SHISA9: variants seen among roughly 807,000 people sequenced by gnomAD.
SHISA9 encodes the protein shisa family member 9.
A neutral mutation model predicts 38.0 loss-of-function variants in SHISA9; 13 were observed. The observed-to-expected ratio is 0.34, with a 90% CI of 0.22 to 0.54. SHISA9 has a LOEUF of 0.54. Ranked by LOEUF, SHISA9 falls within the 20% of genes least tolerant of loss-of-function variation. The pLI is 0.91. For missense variants in SHISA9, 538 were observed against 575.8 expected, an observed-to-expected ratio of 0.93 and a Z score of 0.67; for synonymous variants, 275 against 242.0, an observed-to-expected ratio of 1.14 and a Z score of -1.27.
intron 2 of SHISA9, among the ~76,000 whole-genome samples, chr16:12,956,106 A>T (rs922637251): frequency 6.6e-6 from 1 of 152,208 alleles, no homozygotes; most frequent in Non-Finnish European, 1.5e-5. Flanking sequence ...CGTGACAGAC[A>T]TTTCTCAAAA....
At chr16:13,163,202 T>C (rs1402678504) in intron 2 of SHISA9, among the ~76,000 whole-genome samples, 1 of 152,164 alleles carries the variant, frequency 6.6e-6, no homozygotes, top group Non-Finnish European at 1.5e-5. Context: ...AATGAGAAAA[T>C]GTATTTGAAA....
chr16:12,941,645 C>A (rs1282843313), intron 2 of SHISA9, among the ~76,000 whole-genome samples: 1 of 152,072 alleles, frequency 6.6e-6, no homozygotes, highest in East Asian at 1.9e-4. Context: ...CACCTGAGGT[C>A]AGTTCGAGAC....
intron 3 of SHISA9, among the ~76,000 whole-genome samples, chr16:13,207,249 C>A (rs750438150): frequency 6.6e-6 from 1 of 152,106 alleles, no homozygotes; most frequent in East Asian, 1.9e-4. Context: ...GACACCCAGT[C>A]GCTCCCTGGG....
At chr16:13,001,749 T>C (rs1420234018) in intron 2 of SHISA9, among the ~76,000 whole-genome samples, 1 of 152,248 alleles carries the variant, frequency 6.6e-6, no homozygotes, top group Non-Finnish European at 1.5e-5. Flanking sequence ...TGTAAACAGG[T>C]ATTGAACTCT....
At chr16:13,206,904 A>AGAGTCAC (rs1175466100) in intron 3 of SHISA9, among the ~76,000 whole-genome samples, 2 of 152,260 alleles carry the variant, frequency 1.3e-5, no homozygotes. Context: ...TAGGAGAGCA[A>AGAGTCAC]GAGTCACGGC....
chr16:13,219,435 T>C (rs2051201218), intron 4 of SHISA9, among the ~76,000 whole-genome samples: 1 of 152,332 alleles, frequency 6.6e-6, no homozygotes. Context: ...CTAGACCCAA[T>C]ACTGGTTTAT....
chr16:13,314,597 C>T, the SHISA9 span, among the ~76,000 whole-genome samples: 5 of 150,494 alleles, frequency 3.3e-5, no homozygotes, highest in Non-Finnish European at 5.9e-5. Flanking sequence ...CAAAAAAAAA[C>T]GTGCATACAT....
intron 2 of SHISA9, among the ~76,000 whole-genome samples, chr16:13,063,006 CTTTTTTTTTCTTTT>C (rs1369868214): frequency 7.6e-6 from 1 of 131,124 alleles, no homozygotes; most frequent in Non-Finnish European, 1.7e-5. Context: ...AGTTTCTTTT[CTTTTTTTTTCTTTT>C]TTTTGAGACG....
chr16:13,286,054 C>T, the SHISA9 span, among the ~76,000 whole-genome samples: 1 of 152,152 alleles, frequency 6.6e-6, no homozygotes, highest in Non-Finnish European at 1.5e-5. Flanking sequence ...ATTTGATTGC[C>T]TCCTTTGAAA....
intron 2 of SHISA9, among the ~76,000 whole-genome samples, chr16:13,086,857 A>G (rs2073716475): frequency 7.1e-6 from 1 of 141,066 alleles, no homozygotes; most frequent in Non-Finnish European, 1.5e-5. Flanking sequence ...TTTCTTTTTT[A>G]TTATTATTAT....
chr16:13,501,381 G>A, the SHISA9 span, among the ~76,000 whole-genome samples: 1 of 152,142 alleles, frequency 6.6e-6, no homozygotes, highest in Non-Finnish European at 1.5e-5. Context: ...GAGAAAAAGG[G>A]AGGATGGAGC....
intron 4 of SHISA9, among the ~76,000 whole-genome samples, chr16:13,225,337 A>G (rs2051268666): frequency 6.6e-6 from 1 of 152,212 alleles, no homozygotes; most frequent in African/African-American, 2.4e-5. Flanking sequence ...AGTTTGTGGT[A>G]CTTTGTGATG....
At chr16:13,532,239 G>T in the SHISA9 span, among the ~76,000 whole-genome samples, 267 of 152,314 alleles carry the variant, frequency 1.8e-3, 1 homozygote, top group African/African-American at 6.3e-3. Flanking sequence ...CAAATTCAAG[G>T]ATTCTGGGAC....
chr16:13,003,160 T>C lies in SHISA9; in HGVS notation c.691+86345T>C, dbSNP rs142102271. On this transcript the variant is annotated intron_variant, in intron 2 of 4. Coordinates refer to ENST00000558583, the MANE Select transcript of SHISA9 (RefSeq NM_001145204.3). ...TGGCTGACACAGAGCGAGAGGAGGA[T>C]TGGTGCAAAATGATCTAGAGCAGTA... is the stretch of plus-strand genomic sequence containing the variant. 6.2e-3 allele frequency among the ~76,000 whole-genome samples: 945 copies of C among 152,250 alleles called. 11 individuals carry two copies. Among genetic ancestry groups the C allele is most frequent in the African/African-American group, 0.022 (896 of 41,532 alleles).
intron 2 of SHISA9, among the ~76,000 whole-genome samples, chr16:12,956,640 C>G (rs1211600914): frequency 1.3e-5 from 2 of 152,134 alleles, no homozygotes; most frequent in Non-Finnish European, 2.9e-5. Flanking sequence ...AATCAAATAT[C>G]ATGTTCTCAC....
the SHISA9 span, among the ~76,000 whole-genome samples, chr16:13,280,195 A>C: frequency 6.9e-6 from 1 of 145,686 alleles, no homozygotes; most frequent in Non-Finnish European, 1.5e-5. Flanking sequence ...AAAAGCCAGC[A>C]TATGGCTTTG....
intron 2 of SHISA9, among the ~76,000 whole-genome samples, chr16:12,941,869 A>C (rs2071616673): frequency 6.6e-6 from 1 of 152,172 alleles, no homozygotes; most frequent in Non-Finnish European, 1.5e-5. Flanking sequence ...TAAATAAACA[A>C]ATAAGTCATT....
chr16:13,171,783 A>G (rs534381997), intron 2 of SHISA9, among the ~76,000 whole-genome samples: 2 of 152,232 alleles, frequency 1.3e-5, no homozygotes, highest in Non-Finnish European at 2.9e-5. Context: ...TAACCACTGG[A>G]GCAACGTAGG....
At chr16:13,175,616 T>C (rs2050725255) in intron 2 of SHISA9, among the ~76,000 whole-genome samples, 1 of 152,126 alleles carries the variant, frequency 6.6e-6, no homozygotes, top group African/African-American at 2.4e-5. Flanking sequence ...GCAGGGCTGA[T>C]TGAAAGTTAT....
Sources: allele counts gnomAD v4.1 joint callset (sites outside exome capture counted in the v4.1 genomes callset), GRCh38; gene constraint gnomAD v4.1.1; transcripts MANE v1.5; gene names NCBI Gene and HGNC (gene_info 2026-07-23, HGNC 2026-07-21).